GASK1A: variants seen among roughly 807,000 people sequenced by gnomAD.
GASK1A encodes the protein golgi associated kinase 1A.
Under a neutral mutation model 41.2 loss-of-function variants are expected in GASK1A, and 40 were observed. The ratio of observed to expected loss-of-function variants is 0.97; its 90% CI spans 0.75 to 1.27. The LOEUF (loss-of-function observed/expected upper bound fraction) is 1.27. Among genes scored for constraint, GASK1A ranks in the 50% most tolerant of loss-of-function variants. The pLI is 0.00. For missense variants in GASK1A, 678 were observed against 745.1 expected, an observed-to-expected ratio of 0.91 and a Z score of 1.05; for synonymous variants, 316 against 307.1, an observed-to-expected ratio of 1.03 and a Z score of -0.30.
chr3:43,035,869 G>A (rs940527720), intron 2 of GASK1A, among the ~76,000 whole-genome samples: 1 of 152,236 alleles, frequency 6.6e-6, no homozygotes, highest in African/African-American at 2.4e-5. Flanking sequence ...AGAGAAATTA[G>A]GTTACTTGCC....
intron 2 of GASK1A, among the ~76,000 whole-genome samples, chr3:43,043,368 C>A (rs1343197747): frequency 1.3e-5 from 2 of 152,194 alleles, no homozygotes; most frequent in African/African-American, 4.8e-5. Flanking sequence ...ACCTGGTATC[C>A]CTTCTTGGCA....
At chr3:43,053,694 G>C (rs370097509) in intron 3 of GASK1A, 51 bp downstream of exon 3, 2 of 1,547,894 alleles carry the variant, frequency 1.3e-6, no homozygotes, top group African/African-American at 2.7e-5. Context: ...AGGTCTTTCT[G>C]TGTCCTTCAG....
rs1208452105 is a variant in GASK1A at position 43,033,056 on chromosome 3, G to A, written c.793G>A (p.Asp265Asn). 9 of 1,551,718 alleles carry A rather than the reference G, an allele frequency of 5.8e-6. No homozygotes were observed. The Admixed American group carries it at 5.9e-5, about 10-fold the overall frequency. Residue 265 changes from aspartate to asparagine, a missense_variant, in exon 2 of 5, where the codon GAT becomes AAT. Asp to Asn is a conservative substitution (Grantham distance 23, BLOSUM62 1). Coordinates refer to ENST00000430121, the MANE Select transcript of GASK1A (RefSeq NM_001129908.3). ...GQAPPWLTDH[D>N]VQMLRLLAQG... ...GGCTCCCCCATGGCTGACAGACCAC[G>A]ATGTGCAGATGCTCCGTCTGTTGGC... is the stretch of plus-strand genomic sequence containing the variant.
At chr3:43,054,556 GA>G (rs1186144273) in intron 3 of GASK1A, among the ~76,000 whole-genome samples, 1 of 152,184 alleles carries the variant, frequency 6.6e-6, no homozygotes, top group East Asian at 1.9e-4. Flanking sequence ...GAAAGGAGAA[GA>G]GGCAGAGAGA....
intron 1 of GASK1A, among the ~76,000 whole-genome samples, chr3:42,980,699 G>A (rs2089278465): frequency 6.6e-6 from 1 of 152,096 alleles, no homozygotes; most frequent in African/African-American, 2.4e-5. Flanking sequence ...AAGGAGCTGG[G>A]GGCTCAGGGA....
At chr3:43,016,821 A>G (rs1419002947) in intron 1 of GASK1A, among the ~76,000 whole-genome samples, 2 of 128,314 alleles carry the variant, frequency 1.6e-5, no homozygotes, top group African/African-American at 6.0e-5. Context: ...AAGGGGCCAT[A>G]GGCAGTCATA....
At position 43,032,669 on chromosome 3, in the gene GASK1A, G is replaced by A; in HGVS notation, c.406G>A (p.Val136Met). The A allele has an allele frequency of 6.4e-7, 1 of 1,551,724 alleles. No individual in the cohort carries two copies. The change falls in exon 2 of 5, where the codon GTG becomes ATG. Residue 136 changes from valine to methionine, a missense_variant. Transcript: ENST00000430121. ...TCCAAGACTCAGTACTCAGCATGTT[G>A]TGCTCCTGAGGGAGGATGAGGTTGG... ...GHPRLSTQHV[V>M]LLREDEVGDP... is the part of the protein sequence containing the mutation.
chr3:42,989,614 T>TGGGTCTCTTTGGAGGAGTCTC (rs1575434497), intron 1 of GASK1A, among the ~76,000 whole-genome samples: 2 of 26,146 alleles, frequency 7.6e-5, no homozygotes, highest in African/African-American at 1.5e-4. Context: ...TGCTTTCTTT[T>TGGGTCTCTTTGGAGGAGTCTC]TTTTTTTTTT....
intron 2 of GASK1A, among the ~76,000 whole-genome samples, chr3:43,042,169 A>T (rs561624102): frequency 7.9e-5 from 12 of 152,124 alleles, no homozygotes; most frequent in African/African-American, 2.6e-4. Context: ...CATTATTCCT[A>T]CTTATTGAGA....
chr3:43,041,565 C>T (rs1180440210), intron 2 of GASK1A, among the ~76,000 whole-genome samples: 1 of 152,158 alleles, frequency 6.6e-6, no homozygotes, highest in Non-Finnish European at 1.5e-5. Context: ...GTTACATGTT[C>T]TGGCTGGTAG....
chr3:43,028,964 T>C (rs569435129), intron 1 of GASK1A, among the ~76,000 whole-genome samples: 188 of 152,088 alleles, frequency 1.2e-3, no homozygotes, highest in African/African-American at 4.2e-3. Flanking sequence ...CTGGGACATA[T>C]AGGCTCACCT....
chr3:42,988,781 C>T (rs1045812988), intron 1 of GASK1A, among the ~76,000 whole-genome samples: 1 of 152,222 alleles, frequency 6.6e-6, no homozygotes, highest in African/African-American at 2.4e-5. Flanking sequence ...GGCTGACTGC[C>T]ACTGCCTCTC....
At chr3:43,035,007 A>G (rs1238002215) in intron 2 of GASK1A, among the ~76,000 whole-genome samples, 1 of 152,026 alleles carries the variant, frequency 6.6e-6, no homozygotes, top group Non-Finnish European at 1.5e-5. Flanking sequence ...AGCTCCTCCA[A>G]TCTATGTCCC....
chr3:43,012,260 G>A (rs545311939), intron 1 of GASK1A, among the ~76,000 whole-genome samples: 41 of 150,446 alleles, frequency 2.7e-4, no homozygotes, highest in African/African-American at 9.7e-4. Context: ...CACAGGAAGG[G>A]GCAGTGTGAG....
intron 1 of GASK1A, among the ~76,000 whole-genome samples, chr3:42,985,464 G>T (rs537151949): frequency 4.6e-5 from 7 of 152,254 alleles, no homozygotes; most frequent in Non-Finnish European, 1.0e-4. Context: ...GCCAGACATT[G>T]TGTAGGGCAG....
In GASK1A at chr3:43,052,664, C is replaced by T. The variant is rs536394551; in HGVS notation, c.1291-857C>T. Among the ~76,000 whole-genome samples, 7 of 152,276 alleles carry T rather than the reference C, an allele frequency of 4.6e-5. No individual in the cohort carries two copies. In the South Asian group the frequency reaches 6.2e-4, roughly 14 times the overall value. The stretch of plus-strand genomic sequence containing the variant: ...CCTTCTCCAAACCAACTCCTCACTT[C>T]GACTATTCTCCCTTTCCTGTCTTTC... On this transcript the variant is annotated intron_variant, in intron 2 of 4. Coordinates refer to ENST00000430121, the MANE Select transcript of GASK1A (RefSeq NM_001129908.3).
In GASK1A at chr3:43,040,876, T is replaced by TTCC. The variant is rs1553615983; in HGVS notation, c.1290+7323_1290+7324insTCC. The stretch of plus-strand genomic sequence containing the variant: ...TAGGTATATCTCCCAATGCTATCCC[T>TTCC]CCCCCCCGCCACAACAGTCCGCAGA... On this transcript the variant is annotated intron_variant, in intron 2 of 4. Coordinates refer to ENST00000430121, the MANE Select transcript of GASK1A (RefSeq NM_001129908.3). 8.9e-5 allele frequency among the ~76,000 whole-genome samples: 8 copies of TTCC among 90,080 alleles called. No individual in the cohort carries two copies. In the East Asian group the frequency reaches 2.3e-3, roughly 26 times the overall value. The allele number at this position is 90,080 out of a possible 152,430, so 59.1% of individuals were successfully genotyped here.
chr3:42,979,666 C>G, intron 1 of GASK1A, 21 bp downstream of exon 1: 1 of 1,245,878 alleles, frequency 8.0e-7, no homozygotes, highest in Non-Finnish European at 1.0e-6. Context: ...CGGGAAGGAA[C>G]GCGCGAGCGG....
At chr3:42,989,140 T>G (rs754565288) in intron 1 of GASK1A, among the ~76,000 whole-genome samples, 1 of 152,044 alleles carries the variant, frequency 6.6e-6, no homozygotes, top group Admixed American at 6.5e-5. Context: ...AGGAGATGAA[T>G]GAACTGCAGC....
Sources: allele counts gnomAD v4.1 joint callset (sites outside exome capture counted in the v4.1 genomes callset), GRCh38; gene constraint gnomAD v4.1.1; transcripts MANE v1.5; gene names NCBI Gene and HGNC (gene_info 2026-07-23, HGNC 2026-07-21).